ANK2: variants seen among roughly 807,000 people sequenced by gnomAD.
The protein encoded by ANK2 is ankyrin 2.
ANK2 carries 83 observed loss-of-function variants against 360.5 expected under a neutral mutation model. The ratio of observed to expected loss-of-function variants is 0.23; its 90% CI spans 0.19 to 0.28. The LOEUF (loss-of-function observed/expected upper bound fraction) is 0.28, where lower values mean the gene tolerates loss of function less well. Ranked by LOEUF, ANK2 falls within the 10% of genes least tolerant of loss-of-function variation. ANK2 has a pLI of 1.00. For missense variants in ANK2, 4,201 were observed against 4,795.7 expected, an observed-to-expected ratio of 0.88 and a Z score of 3.66; for synonymous variants, 1,740 against 1,759.5, an observed-to-expected ratio of 0.99 and a Z score of 0.28.
At chr4:112,950,615 G>GC (rs1242799743) in intron 2 of ANK2, among the ~76,000 whole-genome samples, 1 of 146,014 alleles carries the variant, frequency 6.8e-6, no homozygotes, top group East Asian at 2.0e-4. Flanking sequence ...CTGCACTCCA[G>GC]CCTGGGTGAC....
At chr4:112,978,188 G>C (rs990478638) in intron 2 of ANK2, among the ~76,000 whole-genome samples, 1 of 151,960 alleles carries the variant, frequency 6.6e-6, no homozygotes, top group Non-Finnish European at 1.5e-5. Flanking sequence ...AGGTTGCAGT[G>C]AGTCGAGATT....
chr4:113,122,104 T>A (rs1280922618), intron 1 of ANK2, among the ~76,000 whole-genome samples: 1 of 152,154 alleles, frequency 6.6e-6, no homozygotes, highest in Non-Finnish European at 1.5e-5. Context: ...AATTGTGTTA[T>A]AAGAATGAGT....
intron 1 of ANK2, among the ~76,000 whole-genome samples, chr4:113,162,209 A>G (rs1479807602): frequency 1.3e-5 from 2 of 151,552 alleles, no homozygotes; most frequent in Non-Finnish European, 2.9e-5. Context: ...CCCAAGTTTT[A>G]CAGCTTTTTT....
intron 45 of ANK2, among the ~76,000 whole-genome samples, chr4:113,381,240 C>T (rs1355135164): frequency 6.7e-6 from 1 of 149,840 alleles, no homozygotes; most frequent in Non-Finnish European, 1.5e-5. Context: ...TGTTCCAAAA[C>T]ACATTTTAAA....
intron 2 of ANK2, among the ~76,000 whole-genome samples, chr4:112,979,271 C>T (rs1197858607): frequency 6.6e-6 from 1 of 152,160 alleles, no homozygotes; most frequent in Non-Finnish European, 1.5e-5. Context: ...GCAGGCAGCT[C>T]CAAATGCTGG....
chr4:112,892,156 G>A (rs781770532), intron 1 of ANK2, among the ~76,000 whole-genome samples: 50 of 152,092 alleles, frequency 3.3e-4, no homozygotes, highest in Non-Finnish European at 4.6e-4. Context: ...AGGTGGCTCT[G>A]GGCCAGTGAA....
At position 113,354,766 on chromosome 4, in the gene ANK2, A is replaced by G. The variant is rs1427093106; in HGVS notation, c.6148A>G (p.Ile2050Val). The change falls in exon 38 of 46, where the codon ATC becomes GTC. Residue 2050 changes from isoleucine (I) to valine (V), a missense_variant. Coordinates refer to ENST00000357077, the MANE Select transcript of ANK2 (RefSeq NM_001148.6). ...REAQKTENQT[I>V]KRGQRLPVTG... ...AGCTCAGAAAACAGAGAATCAGACA[A>G]TCAAACGAGGCCAGAGACTCCCGGT... 3 of 1,613,808 alleles carry G rather than the reference A, an allele frequency of 1.9e-6. No individual in the cohort carries two copies. The highest frequency in any genetic ancestry group is 2.5e-6 in the Non-Finnish European group (3 of 1,179,940).
intron 4 of ANK2, among the ~76,000 whole-genome samples, chr4:113,212,371 A>T (rs17529718): frequency 0.028 from 4,246 of 152,322 alleles, 99 homozygotes; most frequent in East Asian, 0.067. Context: ...TATAAATTTG[A>T]ATGCATGTAC....
At chr4:113,349,678 G>A (rs746390655) in intron 36 of ANK2, among the ~76,000 whole-genome samples, 1 of 152,096 alleles carries the variant, frequency 6.6e-6, no homozygotes, top group African/African-American at 2.4e-5. Flanking sequence ...AAATGATAGG[G>A]AAGCCAATTT....
In ANK2 at chr4:113,339,242, C is replaced by T. The variant is rs1200350873; in HGVS notation, c.3813C>T (p.Ala1271=). Residue 1271 remains alanine (A), a synonymous_variant, in exon 32 of 46, where the codon GCC becomes GCT. Coordinates refer to ENST00000357077, the MANE Select transcript of ANK2 (RefSeq NM_001148.6). ...LCSITGGTTP[A]QWEDITGTTP... ...TTATTTCAGGTGGAACCACCCCTGC[C>T]CAGTGGGAAGATATTACAGGAACTA... 1 of 1,613,496 alleles carries T rather than the reference C, an allele frequency of 6.2e-7. No individual in the cohort carries two copies. Among genetic ancestry groups the T allele is most frequent in the Non-Finnish European group, 8.5e-7 (1 of 1,179,794 alleles).
chr4:112,741,544 T>G, the ANK2 span, among the ~76,000 whole-genome samples: 5 of 152,236 alleles, frequency 3.3e-5, no homozygotes, highest in Non-Finnish European at 7.3e-5. Flanking sequence ...AGTGCTTTTA[T>G]GCCTCTGTCC....
chr4:112,946,352 T>TGTTAGGTGTTAGG (rs2094543773), intron 2 of ANK2, among the ~76,000 whole-genome samples: 1 of 152,218 alleles, frequency 6.6e-6, no homozygotes, highest in African/African-American at 2.4e-5. Context: ...GCTGTTAGCC[T>TGTTAGGTGTTAGG]GCCGCCTGTC....
intron 1 of ANK2, among the ~76,000 whole-genome samples, chr4:113,166,099 C>G (rs2154407047): frequency 6.6e-6 from 1 of 152,180 alleles, no homozygotes; most frequent in Admixed American, 6.5e-5. Context: ...TAATCAAAAC[C>G]TATTGATTTT....
chr4:112,771,119 A>AT, the ANK2 span, among the ~76,000 whole-genome samples: 5 of 151,588 alleles, frequency 3.3e-5, no homozygotes, highest in South Asian at 2.1e-4. Flanking sequence ...TTTATTTATT[A>AT]TTTTTTTTTC....
chr4:113,101,118 T>G (rs886106301), intron 1 of ANK2, among the ~76,000 whole-genome samples: 4 of 152,042 alleles, frequency 2.6e-5, no homozygotes, highest in African/African-American at 9.7e-5. Flanking sequence ...ACATAAAAAG[T>G]AAACTCTGAT....
intron 27 of ANK2, among the ~76,000 whole-genome samples, chr4:113,331,184 G>A (rs535606609): frequency 2.0e-5 from 3 of 152,170 alleles, no homozygotes; most frequent in Non-Finnish European, 4.4e-5. Flanking sequence ...TTTGGAGGGG[G>A]ACAAGTTTCA....
intron 32 of ANK2, among the ~76,000 whole-genome samples, chr4:113,340,206 A>G (rs2094106898): frequency 2.0e-5 from 3 of 152,222 alleles, no homozygotes; most frequent in Admixed American, 2.0e-4. Context: ...AGAGGGACTA[A>G]AAGAATGAGA....
chr4:113,060,989 T>G (rs1046081848), intron 1 of ANK2, among the ~76,000 whole-genome samples: 1 of 152,148 alleles, frequency 6.6e-6, no homozygotes, highest in Non-Finnish European at 1.5e-5. Flanking sequence ...TAATCTATCA[T>G]GTGCTCCATA....
chr4:113,293,975 G>T (rs2069478377), intron 22 of ANK2, among the ~76,000 whole-genome samples: 2 of 152,080 alleles, frequency 1.3e-5, no homozygotes, highest in African/African-American at 4.8e-5. Context: ...TGGATCAAAT[G>T]GACTCCCAGT....
Sources: allele counts gnomAD v4.1 joint callset (sites outside exome capture counted in the v4.1 genomes callset), GRCh38; gene constraint gnomAD v4.1.1; transcripts MANE v1.5; gene names NCBI Gene and HGNC (gene_info 2026-07-23, HGNC 2026-07-21).